The following HIPK2 variants were observed in gnomAD, a reference collection of about 807,000 sequenced individuals.
HIPK2 encodes the protein homeodomain-interacting protein kinase 2.
A neutral mutation model predicts 113.7 loss-of-function variants in HIPK2; 27 were observed. That is an observed-to-expected ratio of 0.24 (90% CI 0.17 to 0.33). HIPK2 has a LOEUF of 0.33. Ranked by LOEUF, HIPK2 falls within the 10% of genes least tolerant of loss-of-function variation. HIPK2 has a pLI of 1.00. For synonymous variants in HIPK2, 631 were observed against 642.2 expected (o/e 0.98, Z 0.26); for missense variants, 1,257 against 1,588.0 (o/e 0.79, Z 3.54).
chr7:139,633,111 A>G (rs1800678972), intron 2 of HIPK2, among the ~76,000 whole-genome samples: 1 of 150,530 alleles, frequency 6.6e-6, no homozygotes, highest in South Asian at 2.1e-4. Context: ...AAAAAAAAAA[A>G]AAAAAAAAGA....
At chr7:139,730,839 G>T (rs1795754758) in intron 1 of HIPK2, among the ~76,000 whole-genome samples, 1 of 152,120 alleles carries the variant, frequency 6.6e-6, no homozygotes, top group African/African-American at 2.4e-5. Flanking sequence ...CATATGACTG[G>T]TGTCCTTGTA....
chr7:139,767,824 T>C (rs1796577498), intron 1 of HIPK2, among the ~76,000 whole-genome samples: 1 of 152,258 alleles, frequency 6.6e-6, no homozygotes, highest in Admixed American at 6.5e-5. Flanking sequence ...AGGTGTCCCC[T>C]TATCAGTACT....
intron 2 of HIPK2, among the ~76,000 whole-genome samples, chr7:139,661,917 CCTTTCCCTCCTCCCAGAGT>C (rs1801879384): frequency 6.6e-6 from 1 of 152,158 alleles, no homozygotes; most frequent in Non-Finnish European, 1.5e-5. Context: ...TCCCCCAAAG[CCTTTCCCTCCTCCCAGAGT>C]CTTTTAATAT....
At position 139,571,991 on chromosome 7, in the gene HIPK2, T is replaced by C. The variant is rs1018679030; in HGVS notation, c.*936A>G. 5 of 152,224 alleles carry C rather than the reference T, an allele frequency of 3.3e-5. No individual in the cohort carries two copies. Among genetic ancestry groups the C allele is most frequent in the East Asian group, 1.9e-4 (1 of 5,206 alleles). The allele number at this position is 152,224 out of a possible 1,614,324, so 9.4% of individuals were successfully genotyped here. On this transcript the variant is annotated 3_prime_UTR_variant, in exon 15 of 15. Coordinates refer to ENST00000406875, the MANE Select transcript of HIPK2 (RefSeq NM_022740.5). Reference sequence around the variant, plus strand: ...ATTGAGGAATATTCTATTGGTATCATTGGAGTTGAACACAAGGTAGGAGAC... The same window carrying C: ...ATTGAGGAATATTCTATTGGTATCACTGGAGTTGAACACAAGGTAGGAGAC...
At chr7:139,639,744 AG>A (rs1800941357) in intron 2 of HIPK2, among the ~76,000 whole-genome samples, 1 of 152,198 alleles carries the variant, frequency 6.6e-6, no homozygotes, top group African/African-American at 2.4e-5. Context: ...CTGGGCATGT[AG>A]GTGCTCCATA....
chr7:139,651,952 AACAATTAT>A (rs1801475986), intron 2 of HIPK2, among the ~76,000 whole-genome samples: 2 of 152,192 alleles, frequency 1.3e-5, no homozygotes, highest in Non-Finnish European at 2.9e-5. Context: ...TTTCTACTCT[AACAATTAT>A]TTACAATAAC....
intron 13 of HIPK2, among the ~76,000 whole-genome samples, chr7:139,577,878 T>C (rs1798541864): frequency 6.6e-6 from 1 of 151,408 alleles, no homozygotes; most frequent in Non-Finnish European, 1.5e-5. Context: ...TGAGATGGAG[T>C]CTTGCTCTGT....
rs776213837 is a variant in HIPK2, at chr7:139,620,434, G to A, written c.1749C>T (p.Thr583=). ...APSTSTNLTM[T]FNNQLTTVHN... is the part of the protein sequence containing the mutation. ...GGACAGTGGTCAGCTGGTTGTTAAA[G>A]GTCATGGTCAGGTTGGTGGACGTGC... is the stretch of plus-strand genomic sequence containing the variant. The change falls in exon 7 of 15, where the codon ACC becomes ACT. Residue 583 remains threonine, a synonymous_variant. Coordinates refer to ENST00000406875, the MANE Select transcript of HIPK2 (RefSeq NM_022740.5). 8 of 1,613,972 alleles carry A rather than the reference G, an allele frequency of 5.0e-6. No individual in the cohort carries two copies. Among genetic ancestry groups the A allele is most frequent in the South Asian group, 4.4e-5 (4 of 91,068 alleles).
At chr7:139,672,963 G>T (rs1405560353) in intron 2 of HIPK2, among the ~76,000 whole-genome samples, 1 of 152,074 alleles carries the variant, frequency 6.6e-6, no homozygotes, top group Admixed American at 6.6e-5. Flanking sequence ...AAAAAGTAAT[G>T]CGAGCTGGAA....
At chr7:139,747,850 T>A (rs1156558184) in intron 1 of HIPK2, among the ~76,000 whole-genome samples, 1 of 152,208 alleles carries the variant, frequency 6.6e-6, no homozygotes, top group Non-Finnish European at 1.5e-5. Context: ...TATTTAAATT[T>A]AAATTAATTA....
intron 1 of HIPK2, among the ~76,000 whole-genome samples, chr7:139,734,740 C>T (rs1795890833): frequency 6.6e-6 from 1 of 152,166 alleles, no homozygotes; most frequent in Admixed American, 6.5e-5. Context: ...ACCACTGATT[C>T]ATTAATGGCC....
chr7:139,760,626 G>GA (rs1335480965), intron 1 of HIPK2, among the ~76,000 whole-genome samples: 2 of 151,986 alleles, frequency 1.3e-5, no homozygotes, highest in African/African-American at 2.4e-5. Flanking sequence ...ATAGGTTAAA[G>GA]AAAAAATAAA....
intron 2 of HIPK2, among the ~76,000 whole-genome samples, chr7:139,634,828 C>A (rs574545288): frequency 6.6e-6 from 1 of 152,098 alleles, no homozygotes; most frequent in Admixed American, 6.5e-5. Flanking sequence ...CAGGCACCTA[C>A]CACCAGGTCT....
intron 2 of HIPK2, among the ~76,000 whole-genome samples, chr7:139,667,057 T>C (rs1186874516): frequency 2.1e-5 from 3 of 144,748 alleles, no homozygotes; most frequent in Non-Finnish European, 4.5e-5. Flanking sequence ...AGAGCGAGAC[T>C]CCTTCTTAAA....
At chr7:139,669,855 T>A (rs1340840817) in intron 2 of HIPK2, among the ~76,000 whole-genome samples, 2 of 152,232 alleles carry the variant, frequency 1.3e-5, no homozygotes, top group South Asian at 2.1e-4. Flanking sequence ...GGTGGTCATA[T>A]GGCAATGAGG....
chr7:139,715,816 T>G lies in HIPK2; in HGVS notation c.1103+116A>C, dbSNP rs981494938. ...ATTTCGTAAGTACATTAAGATCACT[T>G]GAAGGCAGGAACTGTAGACATATAA... On this transcript the variant is annotated intron_variant, in intron 2 of 14. Transcript: ENST00000406875. The G allele has an allele frequency of 1.4e-5, 19 of 1,393,208 alleles. No homozygotes were observed. In the Admixed American group the frequency reaches 3.5e-4, roughly 25 times the overall value. 86.3% of individuals were successfully genotyped at this position (1,393,208 alleles called of 1,614,324 possible). A position where few individuals can be genotyped will look rare whatever the true frequency, so the allele number is the denominator to read the frequency against.
chr7:139,742,807 C>T (rs1489467112), intron 1 of HIPK2, among the ~76,000 whole-genome samples: 5 of 152,198 alleles, frequency 3.3e-5, no homozygotes, highest in Non-Finnish European at 7.3e-5. Context: ...GTATCTTCTC[C>T]CCTTTAAAAT....
intron 2 of HIPK2, among the ~76,000 whole-genome samples, chr7:139,671,936 T>C (rs1802316103): frequency 6.6e-6 from 1 of 152,218 alleles, no homozygotes; most frequent in African/African-American, 2.4e-5. Context: ...TAGTTCAGAT[T>C]CAAGGCAAAG....
intron 13 of HIPK2, among the ~76,000 whole-genome samples, chr7:139,582,278 C>T (rs1798691652): frequency 6.6e-6 from 1 of 152,244 alleles, no homozygotes; most frequent in Non-Finnish European, 1.5e-5. Context: ...GCAGCAAGTA[C>T]AGCCTGGCCC....
Sources: allele counts gnomAD v4.1 joint callset (sites outside exome capture counted in the v4.1 genomes callset), GRCh38; gene constraint gnomAD v4.1.1; transcripts MANE v1.5; gene names NCBI Gene and HGNC (gene_info 2026-07-23, HGNC 2026-07-21).